RBFOX1: variants seen among roughly 807,000 people sequenced by gnomAD.
RBFOX1 encodes the protein RNA binding protein fox-1 homolog 1.
Under a neutral mutation model 57.7 loss-of-function variants are expected in RBFOX1, and 8 were observed. That is an observed-to-expected ratio of 0.14 (90% CI 0.08 to 0.25). The LOEUF is 0.25. Among genes scored for constraint, RBFOX1 ranks in the 10% least tolerant of loss-of-function variants. The pLI is 1.00. For missense variants in RBFOX1, 611 were observed against 548.5 expected, an observed-to-expected ratio of 1.11 and a Z score of -1.14; for synonymous variants, 326 against 222.4, an observed-to-expected ratio of 1.47 and a Z score of -4.15.
intron 3 of RBFOX1, among the ~76,000 whole-genome samples, chr16:6,761,334 G>T (rs1366345761): frequency 1.3e-5 from 2 of 151,990 alleles, no homozygotes; most frequent in Non-Finnish European, 2.9e-5. Flanking sequence ...AATGTCACTT[G>T]TATATGTTTA....
chr16:7,249,493 G>C (rs2094432535), intron 4 of RBFOX1, among the ~76,000 whole-genome samples: 1 of 151,748 alleles, frequency 6.6e-6, no homozygotes, highest in South Asian at 2.1e-4. Context: ...TGAATTCTCT[G>C]TCTTTCTCTC....
intron 3 of RBFOX1, among the ~76,000 whole-genome samples, chr16:7,029,875 T>C (rs1010055774): frequency 3.3e-5 from 5 of 152,192 alleles, no homozygotes; most frequent in Non-Finnish European, 5.9e-5. Flanking sequence ...TGTCCATTCA[T>C]TGGGAATAAT....
intron 3 of RBFOX1, among the ~76,000 whole-genome samples, chr16:6,889,662 C>G (rs1596311690): frequency 6.6e-6 from 1 of 152,162 alleles, no homozygotes; most frequent in Non-Finnish European, 1.5e-5. Context: ...CCACCAGCTT[C>G]CACCATGTAG....
Position 7,007,879 on chromosome 16 carries a change from T to A in RBFOX1, c.-15-44178T>A, listed in dbSNP as rs1252298214. Among the ~76,000 whole-genome samples, 7 of 152,172 alleles carry A rather than the reference T, an allele frequency of 4.6e-5. No individual in the cohort carries two copies. In the East Asian group the frequency reaches 1.3e-3, roughly 29 times the overall value. On this transcript the variant is annotated intron_variant, in intron 3 of 15. Coordinates refer to ENST00000550418, the MANE Select transcript of RBFOX1 (RefSeq NM_018723.4). Reference sequence around the variant, plus strand: ...GCATTAGGAAGTATCAACATGGACTTGTAAGAACCTTCATGCTGTCTCCTC... The same window carrying A: ...GCATTAGGAAGTATCAACATGGACTAGTAAGAACCTTCATGCTGTCTCCTC...
chr16:7,546,700 G>A (rs1161037365), intron 5 of RBFOX1, among the ~76,000 whole-genome samples: 1 of 152,162 alleles, frequency 6.6e-6, no homozygotes, highest in East Asian at 1.9e-4. Context: ...TGACTATTCA[G>A]ATTTTAACTT....
intron 1 of RBFOX1, among the ~76,000 whole-genome samples, chr16:6,183,482 AAAATT>A (rs1406673714): frequency 1.9e-5 from 2 of 102,580 alleles, no homozygotes; most frequent in African/African-American, 7.8e-5. Flanking sequence ...TCCATCTAAA[AAAATT>A]AAATAAATAA....
intron 4 of RBFOX1, among the ~76,000 whole-genome samples, chr16:7,249,242 CT>C (rs1049481177): frequency 6.6e-6 from 1 of 152,154 alleles, no homozygotes; most frequent in Non-Finnish European, 1.5e-5. Flanking sequence ...CCATTCCCCT[CT>C]TTTTTCCCTT....
chr16:7,415,624 G>C (rs900474990), intron 4 of RBFOX1, among the ~76,000 whole-genome samples: 1 of 152,104 alleles, frequency 6.6e-6, no homozygotes, highest in African/African-American at 2.4e-5. Flanking sequence ...GAACACAGTA[G>C]GTTCCCAGCA....
intron 3 of RBFOX1, among the ~76,000 whole-genome samples, chr16:6,769,103 C>T (rs1175442799): frequency 1.3e-5 from 2 of 152,108 alleles, no homozygotes; most frequent in South Asian, 2.1e-4. Context: ...TGAATTCCCA[C>T]GTGTTGTGTG....
chr16:5,366,051 G>A (rs2065705418), intron 1 of RBFOX1: 4 of 474,362 alleles, frequency 8.4e-6, no homozygotes, highest in South Asian at 3.3e-5. Flanking sequence ...GTACAGCAAT[G>A]GTTTCCCTTG....
At chr16:5,340,517 G>A (rs1221977746) in intron 1 of RBFOX1, among the ~76,000 whole-genome samples, 1 of 152,192 alleles carries the variant, frequency 6.6e-6, no homozygotes, top group Non-Finnish European at 1.5e-5. Flanking sequence ...CCTGAAGTAG[G>A]AGGAGAGAAG....
At chr16:7,387,558 C>T (rs2097905489) in intron 4 of RBFOX1, among the ~76,000 whole-genome samples, 1 of 152,180 alleles carries the variant, frequency 6.6e-6, no homozygotes, top group Non-Finnish European at 1.5e-5. Context: ...ACATTGATCT[C>T]AAACTGTGAA....
chr16:6,847,889 G>C (rs989068211), intron 3 of RBFOX1, among the ~76,000 whole-genome samples: 1 of 152,072 alleles, frequency 6.6e-6, no homozygotes, highest in Non-Finnish European at 1.5e-5. Flanking sequence ...TCAGGCTGGA[G>C]AGTACTGGCA....
At chr16:5,712,454 A>G (rs1455615038) in intron 3 of RBFOX1, among the ~76,000 whole-genome samples, 10 of 152,174 alleles carry the variant, frequency 6.6e-5, no homozygotes, top group Non-Finnish European at 4.4e-5. Context: ...TCTGATTCCA[A>G]AGGTTTGGCT....
At chr16:6,994,014 C>G (rs890839285) in intron 3 of RBFOX1, among the ~76,000 whole-genome samples, 5 of 152,162 alleles carry the variant, frequency 3.3e-5, no homozygotes, top group Non-Finnish European at 5.9e-5. Context: ...GGTTTAATTA[C>G]TGGCTGAATT....
Position 6,826,864 on chromosome 16 carries a change from T to C in RBFOX1, c.-16+172214T>C, listed in dbSNP as rs2092213729. 1.3e-5 allele frequency among the ~76,000 whole-genome samples: 2 copies of C among 152,216 alleles called. 1 individual carries two copies. Among genetic ancestry groups the C allele is most frequent in the Non-Finnish European group, 2.9e-5 (2 of 68,042 alleles). ...ATTGAAATCCTCAAACGCAGTTGGA[T>C]GTGTTTCCGTATGATGAATAAGAAA... On this transcript the variant is annotated intron_variant, in intron 3 of 15. Coordinates refer to ENST00000550418, the MANE Select transcript of RBFOX1 (RefSeq NM_018723.4).
chr16:6,046,391 G>A (rs59791018), intron 1 of RBFOX1, among the ~76,000 whole-genome samples: 7,969 of 152,204 alleles, frequency 0.052, 693 homozygotes, highest in African/African-American at 0.18. Context: ...GATCTAATTT[G>A]TAGGGTTTGA....
chr16:5,874,757 A>T (rs191595472), intron 4 of RBFOX1, among the ~76,000 whole-genome samples: 5 of 152,236 alleles, frequency 3.3e-5, no homozygotes, highest in Admixed American at 3.3e-4. Context: ...CAGCCAGGGC[A>T]TTGTAGCAAG....
intron 11 of RBFOX1, among the ~76,000 whole-genome samples, chr16:7,634,337 G>C (rs2061427902): frequency 6.7e-6 from 1 of 149,054 alleles, no homozygotes; most frequent in African/African-American, 2.5e-5. Flanking sequence ...CTTCGTTTTT[G>C]TTTTTTTGCG....
Sources: allele counts gnomAD v4.1 joint callset (sites outside exome capture counted in the v4.1 genomes callset), GRCh38; gene constraint gnomAD v4.1.1; transcripts MANE v1.5; gene names NCBI Gene and HGNC (gene_info 2026-07-23, HGNC 2026-07-21).